The following TNFRSF19 variants were observed in gnomAD, a reference collection of about 807,000 sequenced individuals.
TNFRSF19 encodes the protein tumor necrosis factor receptor superfamily member 19.
In TNFRSF19, 27 loss-of-function variants were observed where a neutral mutation model predicts 46.4. The observed-to-expected ratio is 0.58, with a 90% CI of 0.43 to 0.80. TNFRSF19 has a LOEUF of 0.80. Ranked by LOEUF, TNFRSF19 falls within the 30% of genes least tolerant of loss-of-function variation. TNFRSF19 has a pLI of 0.00. For missense variants in TNFRSF19, 511 were observed against 530.8 expected (o/e 0.96, Z 0.37); for synonymous variants, 204 against 205.0 (o/e 1.00, Z 0.04).
intron 3 of TNFRSF19, among the ~76,000 whole-genome samples, chr13:23,614,847 C>A (rs1175106634): frequency 6.6e-6 from 1 of 151,066 alleles, no homozygotes; most frequent in Non-Finnish European, 1.5e-5. Flanking sequence ...AATCCTGGTT[C>A]TAACACTACT....
At chr13:23,652,675 C>T (rs1883719784) in intron 5 of TNFRSF19, among the ~76,000 whole-genome samples, 1 of 152,156 alleles carries the variant, frequency 6.6e-6, no homozygotes, top group Non-Finnish European at 1.5e-5. Flanking sequence ...CAGCTGTTTC[C>T]ATCTGCATTG....
chr13:23,574,611 T>TC (rs142980834), intron 1 of TNFRSF19, among the ~76,000 whole-genome samples: 2,040 of 152,328 alleles, frequency 0.013, 44 homozygotes, highest in African/African-American at 0.046. Flanking sequence ...CTCAACCATC[T>TC]GGCATTGGTT....
At chr13:23,611,014 C>T (rs1329716424) in intron 3 of TNFRSF19, among the ~76,000 whole-genome samples, 1 of 151,970 alleles carries the variant, frequency 6.6e-6, no homozygotes, top group Non-Finnish European at 1.5e-5. Context: ...AATGGCGGAC[C>T]ATGCTCCATA....
intron 3 of TNFRSF19, among the ~76,000 whole-genome samples, chr13:23,608,337 T>A (rs1880656629): frequency 6.6e-6 from 1 of 152,234 alleles, no homozygotes; most frequent in Non-Finnish European, 1.5e-5. Context: ...ACTAAGATAA[T>A]ATTAGCTAAT....
At chr13:23,584,086 C>A (rs1878653407) in intron 1 of TNFRSF19, among the ~76,000 whole-genome samples, 1 of 151,748 alleles carries the variant, frequency 6.6e-6, no homozygotes, top group Non-Finnish European at 1.5e-5. Flanking sequence ...TCTATTTTTT[C>A]TTTATTTCCA....
chr13:23,599,895 G>A (rs369302370), intron 3 of TNFRSF19, among the ~76,000 whole-genome samples: 2 of 151,016 alleles, frequency 1.3e-5, no homozygotes, highest in African/African-American at 4.9e-5. Flanking sequence ...TGGCCAAGAG[G>A]GGGGGTCCAT....
At chr13:23,602,814 T>C (rs1049598519) in intron 3 of TNFRSF19, among the ~76,000 whole-genome samples, 2 of 151,920 alleles carry the variant, frequency 1.3e-5, no homozygotes, top group African/African-American at 4.8e-5. Flanking sequence ...TTGAACTAAA[T>C]GAAAATGAAA....
At chr13:23,617,296 TTAAA>T (rs1881369001) in intron 4 of TNFRSF19, among the ~76,000 whole-genome samples, 1 of 152,042 alleles carries the variant, frequency 6.6e-6, no homozygotes, top group Non-Finnish European at 1.5e-5. Flanking sequence ...CGCAGAAGCC[TTAAA>T]TAGACTTGTC....
rs577392221 is a variant in TNFRSF19 at position 23,657,784 on chromosome 13, C to T, written c.446-1266C>T. On this transcript the variant is annotated intron_variant, in intron 5 of 9. Coordinates refer to ENST00000248484, the MANE Select transcript of TNFRSF19 (RefSeq NM_148957.4). Reference sequence around the variant, plus strand: ...TCACAGCTCACTGCAGCTTCATAGGCTCAAGGGATCCTCTCAATTCAGCCT... The same window carrying T: ...TCACAGCTCACTGCAGCTTCATAGGTTCAAGGGATCCTCTCAATTCAGCCT... Among the ~76,000 whole-genome samples the T allele has an allele frequency of 1.1e-4, 17 of 152,228 alleles. 1 individual carries two copies. The South Asian group carries it at 3.3e-3, about 30-fold the overall frequency.
In TNFRSF19 at chr13:23,654,002, G is replaced by A. The variant is rs138671903; in HGVS notation, c.446-5048G>A. On this transcript the variant is annotated intron_variant, in intron 5 of 9. Transcript: ENST00000248484. ...TGCCTCAGTGGGTCTTGGTGTCTGC[G>A]TGAGGAGCTTGCCCAGGGAGGAAAC... Among the ~76,000 whole-genome samples the A allele has an allele frequency of 7.5e-4, 114 of 152,194 alleles. 1 individual carries two copies. Among genetic ancestry groups the A allele is most frequent in the Admixed American group, 5.8e-3 (89 of 15,282 alleles).
At chr13:23,626,828 G>C (rs1015134394) in intron 5 of TNFRSF19, 36 bp downstream of exon 5, 9 of 1,588,034 alleles carry the variant, frequency 5.7e-6, no homozygotes, top group Non-Finnish European at 6.8e-6. Context: ...CCAAGGGGAC[G>C]CCTGGCCTTT....
chr13:23,657,767 C>T (rs1424124890), intron 5 of TNFRSF19, among the ~76,000 whole-genome samples: 1 of 152,074 alleles, frequency 6.6e-6, no homozygotes, highest in Non-Finnish European at 1.5e-5. Flanking sequence ...GATCACAGCT[C>T]ACTGCAGCTT....
intron 1 of TNFRSF19, among the ~76,000 whole-genome samples, chr13:23,577,897 C>A (rs1270768976): frequency 6.6e-6 from 1 of 151,596 alleles, no homozygotes; most frequent in Non-Finnish European, 1.5e-5. Context: ...TGATGAAAGG[C>A]GGGAAGCGGG....
In TNFRSF19 at chr13:23,651,499, A is replaced by G. The variant is rs74038472; in HGVS notation, c.446-7551A>G. On this transcript the variant is annotated intron_variant, in intron 5 of 9. Coordinates refer to ENST00000248484, the MANE Select transcript of TNFRSF19 (RefSeq NM_148957.4). ...ATGTGCTAAACTCTCTAATGAAAACATAAGGCGTTAATGAAATCTCAAAGG... is the reference window on the plus strand; with the variant it reads ...ATGTGCTAAACTCTCTAATGAAAACGTAAGGCGTTAATGAAATCTCAAAGG... 2.8e-3 allele frequency among the ~76,000 whole-genome samples: 427 copies of G among 152,346 alleles called. 3 individuals carry two copies. The highest frequency in any genetic ancestry group is 9.4e-3 in the African/African-American group (393 of 41,592).
chr13:23,588,963 G>A (rs977003443), intron 1 of TNFRSF19, among the ~76,000 whole-genome samples: 2 of 152,144 alleles, frequency 1.3e-5, no homozygotes, highest in African/African-American at 4.8e-5. Context: ...CGGGGCACCC[G>A]TCAGCTCACC....
chr13:23,616,686 G>A (rs1881318496), intron 4 of TNFRSF19, among the ~76,000 whole-genome samples: 1 of 152,142 alleles, frequency 6.6e-6, no homozygotes, highest in South Asian at 2.1e-4. Flanking sequence ...AGGTTCAAGT[G>A]ATTCTTCTGC....
At chr13:23,673,166 G>A (rs1456520184) in intron 9 of TNFRSF19, among the ~76,000 whole-genome samples, 3 of 152,148 alleles carry the variant, frequency 2.0e-5, no homozygotes, top group Non-Finnish European at 2.9e-5. Flanking sequence ...ACTACGAATT[G>A]TTATGAAAAT....
At chr13:23,622,230 C>T (rs948144635) in intron 4 of TNFRSF19, among the ~76,000 whole-genome samples, 4 of 151,360 alleles carry the variant, frequency 2.6e-5, no homozygotes, top group African/African-American at 9.7e-5. Flanking sequence ...AGTGAAACCC[C>T]GTCTCTACTA....
intron 5 of TNFRSF19, among the ~76,000 whole-genome samples, chr13:23,635,029 A>G (rs1882589025): frequency 6.6e-6 from 1 of 152,166 alleles, no homozygotes; most frequent in South Asian, 2.1e-4. Context: ...TGCCCTTCAC[A>G]TAATGGTCCA....
Sources: allele counts gnomAD v4.1 joint callset (sites outside exome capture counted in the v4.1 genomes callset), GRCh38; gene constraint gnomAD v4.1.1; transcripts MANE v1.5; gene names NCBI Gene and HGNC (gene_info 2026-07-23, HGNC 2026-07-21).